The following PPP3CA variants were observed in gnomAD, a reference collection of about 807,000 sequenced individuals.
PPP3CA encodes the protein protein phosphatase 3 catalytic subunit alpha.
Under a neutral mutation model 66.5 loss-of-function variants are expected in PPP3CA, and 14 were observed. That is an observed-to-expected ratio of 0.21 (90% CI 0.14 to 0.33). The LOEUF (loss-of-function observed/expected upper bound fraction) is 0.33. Among genes scored for constraint, PPP3CA ranks in the 10% least tolerant of loss-of-function variants. The pLI is 1.00. For missense variants in PPP3CA, 317 were observed against 639.5 expected (o/e 0.50, Z 5.44); for synonymous variants, 232 against 226.2 (o/e 1.03, Z -0.23).
intron 1 of PPP3CA, among the ~76,000 whole-genome samples, chr4:101,216,543 T>C (rs1421704337): frequency 6.6e-6 from 1 of 152,116 alleles, no homozygotes; most frequent in East Asian, 1.9e-4. Context: ...TCCTTTATTT[T>C]TTTTTCTTTT....
At chr4:101,332,631 C>A (rs796929616) in intron 1 of PPP3CA, among the ~76,000 whole-genome samples, 7 of 152,334 alleles carry the variant, frequency 4.6e-5, no homozygotes, top group African/African-American at 1.7e-4. Context: ...AGCTGTCCAG[C>A]AGCAAAATTA....
intron 1 of PPP3CA, among the ~76,000 whole-genome samples, chr4:101,296,013 A>AGTTGTT (rs146507111): frequency 0.021 from 3,255 of 152,184 alleles, 94 homozygotes; most frequent in African/African-American, 0.06. Context: ...AATAAGCTGG[A>AGTTGTT]GTTGTTGTTG....
chr4:101,069,629 T>A (rs563159252), intron 8 of PPP3CA, among the ~76,000 whole-genome samples: 11 of 152,322 alleles, frequency 7.2e-5, no homozygotes, highest in Admixed American at 5.9e-4. Flanking sequence ...AATGCAGTTT[T>A]GAACTGCATG....
intron 1 of PPP3CA, among the ~76,000 whole-genome samples, chr4:101,285,491 T>C (rs773038954): frequency 2.0e-5 from 3 of 152,118 alleles, no homozygotes; most frequent in Non-Finnish European, 4.4e-5. Context: ...CCTTCTTATA[T>C]CACATTGCAC....
At chr4:101,250,174 T>A (rs1335307534) in intron 1 of PPP3CA, among the ~76,000 whole-genome samples, 1 of 152,220 alleles carries the variant, frequency 6.6e-6, no homozygotes, top group Non-Finnish European at 1.5e-5. Flanking sequence ...AAGCCTTTTC[T>A]TATAGATTAA....
chr4:101,287,296 T>C (rs1669076822), intron 1 of PPP3CA, among the ~76,000 whole-genome samples: 4 of 152,232 alleles, frequency 2.6e-5, no homozygotes, highest in South Asian at 4.1e-4. Context: ...ACTTTAATTA[T>C]ACATACTTAA....
At chr4:101,319,788 C>G (rs1452349684) in intron 1 of PPP3CA, among the ~76,000 whole-genome samples, 1 of 152,130 alleles carries the variant, frequency 6.6e-6, no homozygotes, top group South Asian at 2.1e-4. Context: ...TATCAAGAAA[C>G]CTATTTTAAA....
At chr4:101,204,421 G>T (rs908337739) in intron 1 of PPP3CA, among the ~76,000 whole-genome samples, 2 of 152,056 alleles carry the variant, frequency 1.3e-5, no homozygotes, top group Non-Finnish European at 2.9e-5. Context: ...CGGATCACGA[G>T]GTCAGGAGAT....
chr4:101,069,331 T>C (rs1728813657), intron 8 of PPP3CA, among the ~76,000 whole-genome samples: 1 of 152,224 alleles, frequency 6.6e-6, no homozygotes, highest in Non-Finnish European at 1.5e-5. Flanking sequence ...TGTTACTATA[T>C]ATAATCACTT....
chr4:101,303,932 C>T (rs1259474457), intron 1 of PPP3CA, among the ~76,000 whole-genome samples: 1 of 152,170 alleles, frequency 6.6e-6, no homozygotes, highest in Non-Finnish European at 1.5e-5. Flanking sequence ...GTCAAACTTG[C>T]AATTTGTCTG....
At chr4:101,322,046 G>A (rs1351185477) in intron 1 of PPP3CA, among the ~76,000 whole-genome samples, 1 of 152,114 alleles carries the variant, frequency 6.6e-6, no homozygotes, top group Non-Finnish European at 1.5e-5. Context: ...TGTCAAATGA[G>A]CTCTTTTGAA....
chr4:101,344,007 A>G (rs1021984753), intron 1 of PPP3CA, among the ~76,000 whole-genome samples: 6 of 152,294 alleles, frequency 3.9e-5, no homozygotes, highest in South Asian at 4.1e-4. Context: ...TTATTTTTGT[A>G]TGTATATATA....
chr4:101,025,909 T>TA lies in PPP3CA; in HGVS notation c.1521dup (p.Asn508Ter). The TA allele has an allele frequency of 1.9e-6, 3 of 1,610,170 alleles. No individual in the cohort carries two copies. The highest frequency in any genetic ancestry group is 1.7e-6 in the Non-Finnish European group (2 of 1,178,284). On this transcript the variant is annotated frameshift_variant, in exon 14 of 14. Coordinates refer to ENST00000394854, the MANE Select transcript of PPP3CA (RefSeq NM_000944.5). LOFTEE classifies it high-confidence loss of function. ...TTACTGCCATTGCTGTCCGTGCCGTTAGTCTCTGAGGTGAGAGCCTTGTTG... is the reference window on the plus strand; with the variant it reads ...TTACTGCCATTGCTGTCCGTGCCGTTAAGTCTCTGAGGTGAGAGCCTTGTTG...
intron 1 of PPP3CA, among the ~76,000 whole-genome samples, chr4:101,270,177 A>C (rs762554457): frequency 3.0e-4 from 46 of 152,220 alleles, no homozygotes; most frequent in Non-Finnish European, 6.2e-4. Flanking sequence ...TTACTATATA[A>C]CATCTGTATC....
chr4:101,137,234 A>G (rs1033755539), intron 2 of PPP3CA, among the ~76,000 whole-genome samples: 1 of 152,124 alleles, frequency 6.6e-6, no homozygotes, highest in Non-Finnish European at 1.5e-5. Context: ...GGATTTTCTG[A>G]TATTATCTAC....
chr4:101,346,713 C>T, intron 1 of PPP3CA, 26 bp downstream of exon 1: 1 of 1,601,904 alleles, frequency 6.2e-7, no homozygotes, highest in Non-Finnish European at 8.5e-7. Context: ...CACGGTGCAC[C>T]CAGGCCACCG....
rs1416423262 is a variant in PPP3CA at position 101,029,354 on chromosome 4, AAAAAAAAAAAAAAAAAAAG to A, written c.1340-178_1340-160del. 2.8e-3 allele frequency among the ~76,000 whole-genome samples: 294 copies of A among 103,786 alleles called. 2 individuals carry two copies. Among genetic ancestry groups the A allele is most frequent in the African/African-American group, 7.6e-3 (231 of 30,288 alleles). The allele number at this position is 103,786 out of a possible 152,430, so 68.1% of individuals were successfully genotyped here. Reference sequence around the variant, plus strand: ...ACAACAAAACAGAAATGCTAAAAAAAAAAAAAAAAAAAAAAAAAGAAAAAAAATGCCACAGAAATTATAA... The same window carrying A: ...ACAACAAAACAGAAATGCTAAAAAAAAAAAAAAATGCCACAGAAATTATAA... On this transcript the variant is annotated intron_variant, in intron 12 of 13. Transcript: ENST00000394854.
At chr4:101,341,231 T>C (rs543210496) in intron 1 of PPP3CA, among the ~76,000 whole-genome samples, 28 of 148,260 alleles carry the variant, frequency 1.9e-4, no homozygotes, top group African/African-American at 6.9e-4. Flanking sequence ...TTAAGAGATA[T>C]GGTCTTGCTA....
At chr4:101,053,648 C>T (rs1728103559) in intron 10 of PPP3CA, among the ~76,000 whole-genome samples, 1 of 152,088 alleles carries the variant, frequency 6.6e-6, no homozygotes, top group Non-Finnish European at 1.5e-5. Context: ...AATTACACGT[C>T]AGTTTTACTC....
Sources: gnomAD v4.1 joint callset for allele counts (sites outside exome capture counted in the v4.1 genomes callset) on GRCh38, gnomAD v4.1.1 for gene constraint, MANE v1.5 for transcripts, NCBI Gene and HGNC (gene_info 2026-07-23, HGNC 2026-07-21) for gene names.